Variants in CDH7 observed in about 807,000 individuals in gnomAD.
CDH7 encodes the protein cadherin 7, also known as cadherin-7.
Under a neutral mutation model 71.8 loss-of-function variants are expected in CDH7, and 25 were observed. The observed-to-expected ratio is 0.35, with a 90% CI of 0.25 to 0.49. The LOEUF is 0.49. CDH7 is among the 20% of genes least tolerant of loss of function. The pLI, the probability that CDH7 is intolerant of heterozygous loss-of-function variation, is 0.99. For missense variants in CDH7, 862 were observed against 974.6 expected (o/e 0.88, Z 1.54); for synonymous variants, 381 against 363.8 (o/e 1.05, Z -0.54).
At position 65,834,429 on chromosome 18, in the gene CDH7, T is replaced by A. The variant is rs1419967121; in HGVS notation, c.982-9383T>A. ...TGATAACATCCATGGAGGGCACAAA[T>A]GAAATGATGAAAAGAAGGCTTTAGA... On this transcript the variant is annotated intron_variant, in intron 6 of 11. Coordinates refer to ENST00000397968, the MANE Select transcript of CDH7 (RefSeq NM_004361.5). Among the ~76,000 whole-genome samples, 7 of 152,278 alleles carry A rather than the reference T, an allele frequency of 4.6e-5. No individual in the cohort carries two copies. In the East Asian group the frequency reaches 1.4e-3, roughly 29 times the overall value.
chr18:65,879,627 T>C (rs1914162366), intron 11 of CDH7, among the ~76,000 whole-genome samples: 1 of 152,170 alleles, frequency 6.6e-6, no homozygotes, highest in Admixed American at 6.6e-5. Context: ...GTCCCCCAAA[T>C]AACCAGTGTA....
At position 65,889,512 on chromosome 18, in the gene CDH7, A is replaced by G. The variant is rs1382142012; in HGVS notation, c.*8618A>G. The G allele has an allele frequency of 6.6e-6, 1 of 152,226 alleles. No homozygotes were observed. The highest frequency in any genetic ancestry group is 1.5e-5 in the Non-Finnish European group (1 of 68,042). 9.4% of individuals were successfully genotyped at this position (152,226 alleles called of 1,614,324 possible). On this transcript the variant is annotated 3_prime_UTR_variant, in exon 12 of 12. Transcript: ENST00000397968. ...AGTCAAAAATGACCAAACACAGACG[A>G]TAACCCACCATGAAGGAGATGGTTC...
At chr18:65,801,110 G>A (rs1261678629) in intron 2 of CDH7, among the ~76,000 whole-genome samples, 1 of 152,044 alleles carries the variant, frequency 6.6e-6, no homozygotes, top group Non-Finnish European at 1.5e-5. Flanking sequence ...ATGAAGGCGG[G>A]GGTTACTTGA....
intron 6 of CDH7, among the ~76,000 whole-genome samples, chr18:65,827,772 G>A (rs1210257319): frequency 1.3e-5 from 2 of 151,860 alleles, no homozygotes; most frequent in African/African-American, 4.8e-5. Flanking sequence ...GCAACAGATG[G>A]CATGAACCTA....
intron 11 of CDH7, among the ~76,000 whole-genome samples, chr18:65,864,407 GTTT>G (rs1294279744): frequency 7.3e-6 from 1 of 137,576 alleles, no homozygotes; most frequent in Admixed American, 7.3e-5. Flanking sequence ...GTTTTGTTTT[GTTT>G]TTTTTTTTTG....
In CDH7 at chr18:65,886,039, G is replaced by T. The variant is rs955217308; in HGVS notation, c.*5145G>T. 1.3e-5 allele frequency: 2 copies of T among 152,192 alleles called. No homozygotes were observed. The highest frequency in any genetic ancestry group is 4.8e-5 in the African/African-American group (2 of 41,518). 9.4% of individuals were successfully genotyped at this position (152,192 alleles called of 1,614,324 possible). A position where few individuals can be genotyped will look rare whatever the true frequency, so the allele number is the denominator to read the frequency against. Reference sequence around the variant, plus strand: ...GTGTGGTATACCAGAAATTACCTCTGGTCTGTGGTTATAAAATCTAGGTCA... The same window carrying T: ...GTGTGGTATACCAGAAATTACCTCTTGTCTGTGGTTATAAAATCTAGGTCA... On this transcript the variant is annotated 3_prime_UTR_variant, in exon 12 of 12. Coordinates refer to ENST00000397968, the MANE Select transcript of CDH7 (RefSeq NM_004361.5).
At chr18:65,847,136 A>G (rs1912963118) in intron 7 of CDH7, among the ~76,000 whole-genome samples, 1 of 152,280 alleles carries the variant, frequency 6.6e-6, no homozygotes, top group South Asian at 2.1e-4. Flanking sequence ...ATCCTGTCTC[A>G]TATGTTTAAC....
Position 65,877,683 on chromosome 18 carries a change from A to T in CDH7, c.1865-2718A>T, listed in dbSNP as rs147705940. 1.4e-3 allele frequency among the ~76,000 whole-genome samples: 210 copies of T among 152,080 alleles called. 1 individual carries two copies. The highest frequency in any genetic ancestry group is 4.6e-3 in the African/African-American group (189 of 41,496). On this transcript the variant is annotated intron_variant, in intron 11 of 11. Coordinates refer to ENST00000397968, the MANE Select transcript of CDH7 (RefSeq NM_004361.5). ...TGCATCCCATCACTATTTTCTCTCA[A>T]CGTCCCTCTTCATTCCATGCTTTAC...
rs1239111340 is a variant in CDH7 at position 65,882,598 on chromosome 18, A to C, written c.*1704A>C. 2 of 152,148 alleles carry C rather than the reference A, an allele frequency of 1.3e-5. No individual in the cohort carries two copies. Among genetic ancestry groups the C allele is most frequent in the African/African-American group, 4.8e-5 (2 of 41,462 alleles). 9.4% of individuals were successfully genotyped at this position (152,148 alleles called of 1,614,324 possible). A position where few individuals can be genotyped will look rare whatever the true frequency, so the allele number is the denominator to read the frequency against. On this transcript the variant is annotated 3_prime_UTR_variant, in exon 12 of 12. Transcript: ENST00000397968. ...GTATGTAAAAGTGGCCTTCAACTTC[A>C]TAAGTATAAATAATCCAATAAATTT...
intron 2 of CDH7, among the ~76,000 whole-genome samples, chr18:65,780,039 T>A (rs1910120830): frequency 9.0e-6 from 1 of 110,836 alleles, no homozygotes; most frequent in African/African-American, 5.8e-5. Context: ...TTGATTTGCA[T>A]CTCTCTGATG....
At chr18:65,822,963 A>T (rs981266628) in intron 5 of CDH7, among the ~76,000 whole-genome samples, 1 of 151,770 alleles carries the variant, frequency 6.6e-6, no homozygotes, top group Non-Finnish European at 1.5e-5. Flanking sequence ...CCCTAAGTGT[A>T]TGTGTTATTT....
rs1911998022 is a variant in CDH7, at chr18:65,823,137, A to C, written c.793+889A>C. The stretch of plus-strand genomic sequence containing the variant: ...ACCTTTCTGAGCAAATACAAGTGTC[A>C]CTGTTTTTTCCTTCAATGACTGCTG... On this transcript the variant is annotated intron_variant, in intron 5 of 11. Transcript: ENST00000397968. Among the ~76,000 whole-genome samples the C allele has an allele frequency of 1.3e-5, 2 of 151,874 alleles. 1 individual carries two copies. The highest frequency in any genetic ancestry group is 4.1e-4 in the South Asian group (2 of 4,824).
chr18:65,834,736 G>A (rs72944032), intron 6 of CDH7, among the ~76,000 whole-genome samples: 28,434 of 152,092 alleles, frequency 0.19, 2,986 homozygotes, highest in Non-Finnish European at 0.25. Context: ...TGGAGCTCTT[G>A]CTGAGTTCAA....
At chr18:65,831,860 A>T (rs11151219) in intron 6 of CDH7, among the ~76,000 whole-genome samples, 85,161 of 151,522 alleles carry the variant, frequency 0.56, 28,540 homozygotes, top group East Asian at 0.97. Flanking sequence ...AGAGTATTTT[A>T]AAAATTATAC....
chr18:65,872,446 A>G (rs1913955940), intron 11 of CDH7, among the ~76,000 whole-genome samples: 1 of 152,190 alleles, frequency 6.6e-6, no homozygotes, highest in Non-Finnish European at 1.5e-5. Context: ...TTTCCACTTA[A>G]TGTCCTCCCT....
At chr18:65,828,884 A>G (rs1912229449) in intron 6 of CDH7, among the ~76,000 whole-genome samples, 1 of 152,160 alleles carries the variant, frequency 6.6e-6, no homozygotes, top group African/African-American at 2.4e-5. Context: ...ATCCTCAAAC[A>G]TTGTTCATAT....
chr18:65,767,599 T>G (rs1916415087), intron 2 of CDH7, among the ~76,000 whole-genome samples: 1 of 152,150 alleles, frequency 6.6e-6, no homozygotes, highest in Admixed American at 6.5e-5. Flanking sequence ...CAAAGACAGT[T>G]TATTTTTTCT....
At chr18:65,872,787 C>T (rs1340563469) in intron 11 of CDH7, among the ~76,000 whole-genome samples, 10 of 152,006 alleles carry the variant, frequency 6.6e-5, no homozygotes, top group South Asian at 4.2e-4. Context: ...CCCAGCTACT[C>T]GGGAAGCTGA....
chr18:65,857,682 T>C, intron 7 of CDH7, 134 bp from the exon 8 acceptor site: 1 of 811,722 alleles, frequency 1.2e-6, no homozygotes, highest in Non-Finnish European at 2.0e-6. Flanking sequence ...CAGGCATGCA[T>C]TTATGTGATT....
Sources: gnomAD v4.1 joint callset for allele counts (sites outside exome capture counted in the v4.1 genomes callset) on GRCh38, gnomAD v4.1.1 for gene constraint, MANE v1.5 for transcripts, NCBI Gene and HGNC (gene_info 2026-07-23, HGNC 2026-07-21) for gene names.